ACTR3C: variants seen among roughly 807,000 people sequenced by gnomAD.
ACTR3C encodes actin related protein 3C, also known as actin-related protein 3C.
ACTR3C carries 18 observed loss-of-function variants against 26.3 expected under a neutral mutation model. The ratio of observed to expected loss-of-function variants is 0.68; its 90% CI spans 0.47 to 1.01. The LOEUF is 1.01. Among genes scored for constraint, ACTR3C ranks in the 50% least tolerant of loss-of-function variants. The probability of loss-of-function intolerance (pLI) is 0.00; values close to 1 mark genes in which losing one functional copy is unlikely to be tolerated. For synonymous variants in ACTR3C, 55 were observed against 94.5 expected, an observed-to-expected ratio of 0.58 and a Z score of 2.42; for missense variants, 184 against 250.7, an observed-to-expected ratio of 0.73 and a Z score of 1.80.
At chr7:150,241,824 G>A (rs1832192006), downstream of ACTR3C, among the ~76,000 whole-genome samples, 1 of 152,188 alleles carries the variant, frequency 6.6e-6, no homozygotes, top group South Asian at 2.1e-4. Context: ...GGACTCAGCA[G>A]ACACTTTACA....
the ACTR3C span, among the ~76,000 whole-genome samples, chr7:149,912,452 T>G: frequency 6.6e-6 from 1 of 151,218 alleles, no homozygotes; most frequent in Non-Finnish European, 1.5e-5. Context: ...TCAATGACAT[T>G]AAGCCAACAA....
chr7:150,001,302 C>G, the ACTR3C span: 1 of 152,134 alleles, frequency 6.6e-6, no homozygotes, highest in Admixed American at 6.5e-5. Context: ...TTTGAAAACA[C>G]AGAGGTTCCC....
chr7:150,126,562 A>G, the ACTR3C span, among the ~76,000 whole-genome samples: 1 of 152,248 alleles, frequency 6.6e-6, no homozygotes, highest in Non-Finnish European at 1.5e-5. Flanking sequence ...GAATGAGCCC[A>G]CTGTCTATAA....
At chr7:149,956,273 C>T in the ACTR3C span, among the ~76,000 whole-genome samples, 3 of 152,222 alleles carry the variant, frequency 2.0e-5, no homozygotes, top group East Asian at 3.9e-4. Flanking sequence ...TAAAGGATTC[C>T]TGGCTGGGTG....
At chr7:150,033,988 T>C in the ACTR3C span, among the ~76,000 whole-genome samples, 2 of 139,104 alleles carry the variant, frequency 1.4e-5, no homozygotes, top group African/African-American at 5.5e-5. Context: ...AGTCCCCGCC[T>C]CGGGGGGATT....
Position 150,321,511 on chromosome 7 carries a change from G to A in ACTR3C, c.-52+1958C>T, listed in dbSNP as rs539247524. ...TCCCAGCACTTTGGGAGGCCAAGGC[G>A]GGCAGATCACTTGAAGTCAGGAGTT... On this transcript the variant is annotated intron_variant, in intron 1 of 7. Transcript: ENST00000683684. 3.9e-5 allele frequency among the ~76,000 whole-genome samples: 6 copies of A among 152,284 alleles called. No individual in the cohort carries two copies. The South Asian group carries it at 8.3e-4, about 21-fold the overall frequency.
chr7:149,960,384 C>T, the ACTR3C span, among the ~76,000 whole-genome samples: 16 of 152,160 alleles, frequency 1.1e-4, no homozygotes, highest in Non-Finnish European at 1.9e-4. Flanking sequence ...TGAAATGCAC[C>T]GCGCACCTTT....
chr7:150,157,989 A>G, the ACTR3C span, among the ~76,000 whole-genome samples: 9 of 152,206 alleles, frequency 5.9e-5, no homozygotes, highest in African/African-American at 2.2e-4. Flanking sequence ...CTACAACTCA[A>G]TAGTAAAGAA....
At chr7:149,966,821 C>T in the ACTR3C span, among the ~76,000 whole-genome samples, 1 of 151,926 alleles carries the variant, frequency 6.6e-6, no homozygotes, top group African/African-American at 2.4e-5. Flanking sequence ...TCCATGTCCT[C>T]TTTGAATTTG....
At chr7:149,995,683 G>T in the ACTR3C span, among the ~76,000 whole-genome samples, 1 of 152,186 alleles carries the variant, frequency 6.6e-6, no homozygotes, top group Admixed American at 6.5e-5. Context: ...TGGCATTCAG[G>T]TTGGTGAGTG....
At chr7:150,265,332 A>G (rs1833947693) in intron 6 of ACTR3C, among the ~76,000 whole-genome samples, 1 of 151,690 alleles carries the variant, frequency 6.6e-6, no homozygotes, top group Admixed American at 6.6e-5. Flanking sequence ...CTTTTATGTA[A>G]AAGGCAAATA....
At chr7:149,978,315 G>A in the ACTR3C span, among the ~76,000 whole-genome samples, 10 of 151,684 alleles carry the variant, frequency 6.6e-5, no homozygotes, top group Non-Finnish European at 1.0e-4. Context: ...AACAGTGTGC[G>A]TCCACGTGAC....
At chr7:150,131,051 C>T in the ACTR3C span, among the ~76,000 whole-genome samples, 2 of 152,176 alleles carry the variant, frequency 1.3e-5, no homozygotes, top group Non-Finnish European at 2.9e-5. Flanking sequence ...GTATCATAAT[C>T]GTGCTTACAT....
the ACTR3C span, among the ~76,000 whole-genome samples, chr7:149,950,315 C>T: frequency 2.8e-5 from 4 of 144,324 alleles, no homozygotes; most frequent in Non-Finnish European, 4.4e-5. Flanking sequence ...GGAGCACCTG[C>T]TGGAGAAGGG....
the ACTR3C span, among the ~76,000 whole-genome samples, chr7:150,051,061 G>A: frequency 2.0e-4 from 29 of 144,540 alleles, no homozygotes; most frequent in African/African-American, 7.0e-4. Context: ...CCGAGATCGC[G>A]CCACTGCATT....
the ACTR3C span, among the ~76,000 whole-genome samples, chr7:150,143,487 G>A: frequency 6.6e-6 from 1 of 152,058 alleles, no homozygotes; most frequent in African/African-American, 2.4e-5. Flanking sequence ...TTTTCAGCTT[G>A]CAGATTCAAC....
At chr7:150,011,158 G>T in the ACTR3C span, among the ~76,000 whole-genome samples, 2 of 152,184 alleles carry the variant, frequency 1.3e-5, no homozygotes, top group African/African-American at 2.4e-5. Flanking sequence ...ATCTTGACCT[G>T]TCTCAGGTCC....
At chr7:150,162,713 C>T in the ACTR3C span, among the ~76,000 whole-genome samples, 3 of 152,202 alleles carry the variant, frequency 2.0e-5, no homozygotes, top group Non-Finnish European at 4.4e-5. Flanking sequence ...TGATGTATAT[C>T]TACAAGCAAT....
the ACTR3C span, among the ~76,000 whole-genome samples, chr7:150,059,771 G>A: frequency 3.9e-5 from 6 of 152,222 alleles, no homozygotes; most frequent in Non-Finnish European, 8.8e-5. Context: ...ATAAGAGCCA[G>A]TTTGGAACCC....
Sources: gnomAD v4.1 joint callset for allele counts (sites outside exome capture counted in the v4.1 genomes callset) on GRCh38, gnomAD v4.1.1 for gene constraint, MANE v1.5 for transcripts, NCBI Gene and HGNC (gene_info 2026-07-23, HGNC 2026-07-21) for gene names.